Variants in TCP11L2 observed in about 807,000 individuals in gnomAD.
TCP11L2 encodes the protein T-complex protein 11-like protein 2.
A neutral mutation model predicts 50.7 loss-of-function variants in TCP11L2; 39 were observed. The observed-to-expected ratio is 0.77, with a 90% CI of 0.60 to 1.01. The LOEUF (loss-of-function observed/expected upper bound fraction) is 1.01. TCP11L2 is among the 50% of genes least tolerant of loss of function. TCP11L2 has a pLI of 0.00. For synonymous variants in TCP11L2, 192 were observed against 219.3 expected (o/e 0.88, Z 1.10); for missense variants, 612 against 614.7 (o/e 1.00, Z 0.05).
upstream of TCP11L2, among the ~76,000 whole-genome samples, chr12:106,302,319 T>TC (rs1186487716): frequency 8.2e-5 from 1 of 12,244 alleles, no homozygotes; most frequent in African/African-American, 4.8e-4. Context: ...CAGCCCCCGC[T>TC]CCCCCCGCTC....
intron 8 of TCP11L2, among the ~76,000 whole-genome samples, chr12:106,337,875 T>G: frequency 6.6e-6 from 1 of 152,194 alleles, no homozygotes; most frequent in East Asian, 1.9e-4. Flanking sequence ...TTGTATCTGG[T>G]TGTTTATCTG....
chr12:106,323,410 T>G, intron 5 of TCP11L2, 100 bp from the exon 6 acceptor site: 1 of 1,081,602 alleles, frequency 9.2e-7, no homozygotes, highest in Non-Finnish European at 1.3e-6. Flanking sequence ...AAAACCATTT[T>G]GGGGATGTTT....
chr12:106,330,413 G>A (rs2136767402), intron 6 of TCP11L2: 1 of 641,716 alleles, frequency 1.6e-6, no homozygotes, highest in South Asian at 6.9e-5. Context: ...GGAGACACTT[G>A]TATGTCCCAT....
intron 6 of TCP11L2, chr12:106,329,533 C>T (rs1348063914): frequency 6.9e-7 from 1 of 1,452,226 alleles, no homozygotes; most frequent in African/African-American, 1.4e-5. Context: ...GGCGTTTAAA[C>T]ACAGAGGCCT....
At chr12:106,301,683 T>C (rs1418804491), upstream of TCP11L2, among the ~76,000 whole-genome samples, 1 of 152,210 alleles carries the variant, frequency 6.6e-6, no homozygotes, top group East Asian at 1.9e-4. Flanking sequence ...AGTTCCTGCA[T>C]GAAACTATTT....
rs778020512 is a variant in TCP11L2, at chr12:106,346,554, G to T, written c.*24G>T. The T allele has an allele frequency of 1.3e-6, 2 of 1,597,982 alleles. No individual in the cohort carries two copies. Among genetic ancestry groups the T allele is most frequent in the Admixed American group, 1.7e-5 (1 of 58,500 alleles). The stretch of plus-strand genomic sequence containing the variant: ...AAAGAAGAACTGACATTGGACGAGA[G>T]ATTGGAAATCCAGTACTTTGGTATC... On this transcript the variant is annotated 3_prime_UTR_variant, in exon 10 of 10. Coordinates refer to ENST00000299045, the MANE Select transcript of TCP11L2 (RefSeq NM_152772.3).
chr12:106,334,030 A>G (rs567955063), intron 6 of TCP11L2, among the ~76,000 whole-genome samples: 2 of 152,188 alleles, frequency 1.3e-5, no homozygotes, highest in Admixed American at 6.5e-5. Context: ...GAAGAGTACC[A>G]AATCAGTGGG....
At chr12:106,329,493 CAA>C in intron 6 of TCP11L2, 2 of 1,502,558 alleles carry the variant, frequency 1.3e-6, no homozygotes, top group Non-Finnish European at 1.8e-6. Flanking sequence ...CGGTCATTCT[CAA>C]GTCTGACTAC....
Position 106,318,439 on chromosome 12 carries a change from T to C in TCP11L2, c.389T>C (p.Ile130Thr), listed in dbSNP as rs757282015. Residue 130 changes from isoleucine (I) to threonine (T), a missense_variant, in exon 4 of 10, where the codon ATC becomes ACC. Ile to Thr is a moderately conservative substitution (Grantham distance 89, BLOSUM62 -1). Coordinates refer to ENST00000299045, the MANE Select transcript of TCP11L2 (RefSeq NM_152772.3). The part of the protein sequence containing the change: ...NADPPEFEHA[I>T]KLFEEIREIL... ...GACCCTCCTGAGTTTGAACATGCCA[T>C]CAAACTGTTTGAAGAAATCAGAGAG... 20 of 1,614,002 alleles carry C rather than the reference T, an allele frequency of 1.2e-5. No homozygotes were observed. The highest frequency in any genetic ancestry group is 1.7e-5 in the Non-Finnish European group (20 of 1,179,868).
chr12:106,330,747 CCTT>C (rs1435252045), intron 6 of TCP11L2, among the ~76,000 whole-genome samples: 1 of 152,076 alleles, frequency 6.6e-6, no homozygotes, highest in African/African-American at 2.4e-5. Context: ...GTGGGTGCCT[CCTT>C]CTTCTTGCCT....
At chr12:106,341,129 C>T (rs747876185) in intron 9 of TCP11L2, 131 bp downstream of exon 9, 9 of 754,340 alleles carry the variant, frequency 1.2e-5, no homozygotes, top group African/African-American at 1.8e-5. Context: ...TTGAAAATAT[C>T]AAGAAATATT....
intron 6 of TCP11L2, among the ~76,000 whole-genome samples, chr12:106,332,270 C>T (rs555704983): frequency 4.2e-4 from 64 of 152,294 alleles, no homozygotes; most frequent in African/African-American, 1.3e-3. Context: ...TCTTATTAAA[C>T]GCAGTTACAA....
At chr12:106,333,228 T>C (rs946730022) in intron 6 of TCP11L2, among the ~76,000 whole-genome samples, 1 of 152,154 alleles carries the variant, frequency 6.6e-6, no homozygotes, top group Non-Finnish European at 1.5e-5. Context: ...GGCAGCTGGG[T>C]GAAGGGTATA....
chr12:106,330,126 G>C, intron 6 of TCP11L2: 3 of 985,380 alleles, frequency 3.0e-6, no homozygotes, highest in South Asian at 9.4e-5. Flanking sequence ...GGAAACCTTA[G>C]AACTGGGCCT....
intron 1 of TCP11L2, among the ~76,000 whole-genome samples, chr12:106,307,008 T>C (rs1267044679): frequency 6.6e-6 from 1 of 152,226 alleles, no homozygotes; most frequent in African/African-American, 2.4e-5. Context: ...GCACACGAGC[T>C]GAGGAATCAC....
intron 8 of TCP11L2, among the ~76,000 whole-genome samples, chr12:106,338,947 T>G (rs1415098234): frequency 6.6e-6 from 1 of 152,116 alleles, no homozygotes; most frequent in African/African-American, 2.4e-5. Flanking sequence ...TCAAGACTAG[T>G]CTGCCCAAGA....
At position 106,340,872 on chromosome 12, in the gene TCP11L2, T is replaced by C. The variant is rs368718336; in HGVS notation, c.1189T>C (p.Cys397Arg). ...CCTGAATTCTATTGGTATTCAGACT[T>C]GTGTTGAGGTTAACAAGACCCTGAT... ...EVLNSIGIQT[C>R]VEVNKTLMER... Residue 397 changes from cysteine (C) to arginine (R), a missense_variant, in exon 9 of 10, where the codon TGT becomes CGT. Cys to Arg is a radical substitution (Grantham distance 180, BLOSUM62 -3). Coordinates refer to ENST00000299045, the MANE Select transcript of TCP11L2 (RefSeq NM_152772.3). 25 of 1,612,390 alleles carry C rather than the reference T, an allele frequency of 1.6e-5. No individual in the cohort carries two copies. The highest frequency in any genetic ancestry group is 2.0e-5 in the Non-Finnish European group (24 of 1,179,494).
upstream of TCP11L2, among the ~76,000 whole-genome samples, chr12:106,302,490 G>A (rs1328427448): frequency 3.3e-5 from 5 of 150,714 alleles, no homozygotes; most frequent in African/African-American, 1.2e-4. Context: ...CGGCTCGGCG[G>A]CCTCAGTTCC....
intron 1 of TCP11L2, among the ~76,000 whole-genome samples, chr12:106,305,200 G>A (rs957806638): frequency 3.9e-5 from 6 of 152,024 alleles, no homozygotes; most frequent in African/African-American, 1.2e-4. Flanking sequence ...ATTATAAAAT[G>A]GGGATAATAC....
Sources: allele counts gnomAD v4.1 joint callset (sites outside exome capture counted in the v4.1 genomes callset), GRCh38; gene constraint gnomAD v4.1.1; transcripts MANE v1.5; gene names NCBI Gene and HGNC (gene_info 2026-07-23, HGNC 2026-07-21).